The following RARB variants were observed in gnomAD, a reference collection of about 807,000 sequenced individuals.
RARB encodes the protein retinoic acid receptor beta, also known as HBV-activated protein.
In RARB, 17 loss-of-function variants were observed where a neutral mutation model predicts 51.9. The observed-to-expected ratio is 0.33, with a 90% CI of 0.22 to 0.49. The LOEUF is 0.49. Among genes scored for constraint, RARB ranks in the 20% least tolerant of loss-of-function variants. The pLI is 0.99. For synonymous variants in RARB, 215 were observed against 195.4 expected (o/e 1.10, Z -0.84); for missense variants, 369 against 550.8 (o/e 0.67, Z 3.30).
intron 3 of RARB, among the ~76,000 whole-genome samples, chr3:25,073,410 C>T (rs1292323248): frequency 2.6e-5 from 4 of 152,184 alleles, no homozygotes; most frequent in East Asian, 1.9e-4. Context: ...CAAGGATGCA[C>T]CTCAGAACAT....
At chr3:25,162,688 T>G (rs181554858) in intron 4 of RARB, among the ~76,000 whole-genome samples, 1 of 152,380 alleles carries the variant, frequency 6.6e-6, no homozygotes, top group East Asian at 1.9e-4. Context: ...TGTGGCCTTT[T>G]ATGTCTGGGT....
intron 2 of RARB, among the ~76,000 whole-genome samples, chr3:24,977,537 T>G (rs1364650138): frequency 2.6e-5 from 4 of 152,158 alleles, no homozygotes; most frequent in Admixed American, 6.5e-5. Context: ...TGAATGGGAG[T>G]TCACTCATGA....
intron 3 of RARB, among the ~76,000 whole-genome samples, chr3:25,066,793 T>C (rs1407958826): frequency 6.6e-6 from 1 of 152,044 alleles, no homozygotes; most frequent in Non-Finnish European, 1.5e-5. Flanking sequence ...TTAATTGCCA[T>C]ATTATACTCC....
At chr3:24,886,447 C>CTT (rs35659222) in intron 2 of RARB, among the ~76,000 whole-genome samples, 2,649 of 143,998 alleles carry the variant, frequency 0.018, 46 homozygotes, top group African/African-American at 0.041. Flanking sequence ...TGTAAACAAA[C>CTT]TTTTTTTTTT....
At chr3:24,933,607 C>T (rs1695487588) in intron 2 of RARB, among the ~76,000 whole-genome samples, 1 of 152,062 alleles carries the variant, frequency 6.6e-6, no homozygotes, top group African/African-American at 2.4e-5. Flanking sequence ...GACATATACT[C>T]ACAGCTGCAT....
intron 2 of RARB, among the ~76,000 whole-genome samples, chr3:24,948,655 C>T (rs1035331899): frequency 5.3e-5 from 8 of 152,094 alleles, no homozygotes; most frequent in African/African-American, 1.7e-4. Context: ...AATCTCATGT[C>T]GAGATGTTGG....
At chr3:24,860,044 AG>A (rs1702718449) in intron 2 of RARB, among the ~76,000 whole-genome samples, 1 of 152,222 alleles carries the variant, frequency 6.6e-6, no homozygotes, top group Non-Finnish European at 1.5e-5. Flanking sequence ...CAATAAAACA[AG>A]TCAAGTTCTG....
intron 2 of RARB, among the ~76,000 whole-genome samples, chr3:25,024,763 G>A (rs1205027356): frequency 2.0e-5 from 3 of 151,982 alleles, no homozygotes; most frequent in South Asian, 4.2e-4. Flanking sequence ...GACCAGCCTC[G>A]CCAATATGGT....
intron 1 of RARB, among the ~76,000 whole-genome samples, chr3:25,442,458 T>A (rs570205218): frequency 6.6e-6 from 1 of 152,312 alleles, no homozygotes; most frequent in East Asian, 1.9e-4. Context: ...TTAATTAATT[T>A]AACTTTCAAT....
chr3:25,389,763 TAGAA>T (rs756115519), intron 5 of RARB, among the ~76,000 whole-genome samples: 1 of 152,192 alleles, frequency 6.6e-6, no homozygotes, highest in Admixed American at 6.5e-5. Flanking sequence ...TTCACACTAA[TAGAA>T]AGTGCACCTG....
chr3:25,223,302 A>G (rs1473803126), intron 5 of RARB, among the ~76,000 whole-genome samples: 1 of 152,152 alleles, frequency 6.6e-6, no homozygotes, highest in Non-Finnish European at 1.5e-5. Context: ...TGTTGTATGT[A>G]TTCATATTAT....
At chr3:24,842,665 T>A (rs566756848) in intron 1 of RARB, among the ~76,000 whole-genome samples, 2 of 152,306 alleles carry the variant, frequency 1.3e-5, no homozygotes, top group South Asian at 4.1e-4. Context: ...GGGCCATATA[T>A]CCTCTCTTCA....
intron 2 of RARB, among the ~76,000 whole-genome samples, chr3:24,951,690 A>G (rs1015668738): frequency 2.0e-5 from 3 of 152,216 alleles, no homozygotes; most frequent in Admixed American, 6.5e-5. Context: ...TGAGAGAATA[A>G]AAATCATTTA....
intron 5 of RARB, chr3:25,260,046 G>C (rs936624217): frequency 7.6e-5 from 73 of 959,060 alleles, no homozygotes; most frequent in Non-Finnish European, 8.8e-5. Flanking sequence ...CCCATGGTGT[G>C]AGTTCGTGTG....
intron 3 of RARB, among the ~76,000 whole-genome samples, chr3:25,557,837 C>T (rs993449544): frequency 9.2e-5 from 14 of 152,130 alleles, no homozygotes; most frequent in Admixed American, 7.2e-4. Flanking sequence ...CAGCCACAGC[C>T]CAGAACTGCA....
chr3:25,213,134 T>C (rs1701739902), intron 5 of RARB, among the ~76,000 whole-genome samples: 1 of 152,158 alleles, frequency 6.6e-6, no homozygotes, highest in Non-Finnish European at 1.5e-5. Flanking sequence ...AGTAAGAATA[T>C]AGTTGAAAGA....
intron 2 of RARB, among the ~76,000 whole-genome samples, chr3:24,888,352 G>T (rs1284068800): frequency 2.0e-5 from 3 of 152,112 alleles, no homozygotes; most frequent in South Asian, 2.1e-4. Context: ...AAGTTGTTAC[G>T]TGGGTATTAA....
chr3:25,259,856 A>T, intron 5 of RARB: 2 of 962,938 alleles, frequency 2.1e-6, no homozygotes, highest in Non-Finnish European at 1.2e-6. Context: ...ATTGCTTCCC[A>T]AATAAGTCAA....
At chr3:25,574,400 T>C (rs1386055137) in intron 4 of RARB, among the ~76,000 whole-genome samples, 8 of 151,484 alleles carry the variant, frequency 5.3e-5, no homozygotes, top group Admixed American at 5.3e-4. Flanking sequence ...CACAGAGGAG[T>C]CGTGCCGAAT....
Sources: allele counts gnomAD v4.1 joint callset (sites outside exome capture counted in the v4.1 genomes callset), GRCh38; gene constraint gnomAD v4.1.1; transcripts MANE v1.5; gene names NCBI Gene and HGNC (gene_info 2026-07-23, HGNC 2026-07-21).